FARS2: variants seen among roughly 807,000 people sequenced by gnomAD.
FARS2 encodes the protein phenylalanyl-tRNA synthetase 2, mitochondrial, also known as phenylalanine--tRNA ligase, mitochondrial.
A neutral mutation model predicts 46.4 loss-of-function variants in FARS2; 40 were observed. That is an observed-to-expected ratio of 0.86 (90% CI 0.67 to 1.12). The LOEUF (loss-of-function observed/expected upper bound fraction) is 1.12, where lower values mean the gene tolerates loss of function less well. Ranked by LOEUF, FARS2 falls within the 50% of genes most tolerant of loss-of-function variation. The pLI, the probability that FARS2 is intolerant of heterozygous loss-of-function variation, is 0.00. For synonymous variants in FARS2, 234 were observed against 214.9 expected (o/e 1.09, Z -0.78); for missense variants, 513 against 567.9 (o/e 0.90, Z 0.98).
chr6:5,411,789 G>T (rs1156825929), intron 3 of FARS2, among the ~76,000 whole-genome samples: 1 of 152,136 alleles, frequency 6.6e-6, no homozygotes, highest in Non-Finnish European at 1.5e-5. Context: ...GAATTAGAAA[G>T]AAATAAAATA....
intron 6 of FARS2, among the ~76,000 whole-genome samples, chr6:5,654,200 C>G (rs1777501431): frequency 6.6e-6 from 1 of 152,152 alleles, no homozygotes; most frequent in Non-Finnish European, 1.5e-5. Context: ...CCCATCCCAG[C>G]CGGGTCATAG....
chr6:5,458,952 T>C (rs1202558014), intron 4 of FARS2, among the ~76,000 whole-genome samples: 2 of 152,210 alleles, frequency 1.3e-5, no homozygotes, highest in Non-Finnish European at 2.9e-5. Flanking sequence ...GGTAGTAGTT[T>C]TTATTCTTTT....
Position 5,765,881 on chromosome 6 carries a change from A to G in FARS2, c.1218-5410A>G, listed in dbSNP as rs1762725120. Among the ~76,000 whole-genome samples the G allele has an allele frequency of 6.6e-6, 1 of 152,150 alleles. No homozygotes were observed. Among genetic ancestry groups the G allele is most frequent in the Non-Finnish European group, 1.5e-5 (1 of 68,032 alleles). ...ACTGAAACATGCTGTTTGTTGAATA[A>G]CTAAAGGAATCTATGAATAAACTGG... On this transcript the variant is annotated intron_variant, in intron 6 of 6. Coordinates refer to ENST00000274680, the MANE Select transcript of FARS2 (RefSeq NM_006567.5). The surrounding 1 kb of genome is among the most constrained non-coding windows in gnomAD (Gnocchi z 4.0).
chr6:5,269,804 A>G (rs894165414), intron 1 of FARS2, among the ~76,000 whole-genome samples: 2 of 152,260 alleles, frequency 1.3e-5, no homozygotes, highest in South Asian at 2.1e-4. Context: ...CGTTGATAGT[A>G]TACTGTAGAC....
At chr6:5,285,875 C>A (rs903714294) in intron 1 of FARS2, among the ~76,000 whole-genome samples, 1 of 152,226 alleles carries the variant, frequency 6.6e-6, no homozygotes, top group South Asian at 2.1e-4. Context: ...CACGGGGCTT[C>A]TTCTCTCCAG....
chr6:5,682,996 A>G (rs1035866646), intron 6 of FARS2, among the ~76,000 whole-genome samples: 5 of 152,230 alleles, frequency 3.3e-5, no homozygotes, highest in Non-Finnish European at 4.4e-5. Flanking sequence ...CGAGTTTGAC[A>G]TGGCTGTGGG....
At chr6:5,318,397 A>AAAAC (rs202227271) in intron 1 of FARS2, among the ~76,000 whole-genome samples, 26,280 of 145,096 alleles carry the variant, frequency 0.18, 3,143 homozygotes, top group East Asian at 0.28. Context: ...CAAAAAAAAA[A>AAAAC]AAAAAAAAAA....
At chr6:5,399,425 C>T (rs184440765) in intron 2 of FARS2, among the ~76,000 whole-genome samples, 1 of 152,180 alleles carries the variant, frequency 6.6e-6, no homozygotes, top group Non-Finnish European at 1.5e-5. Flanking sequence ...ATCCTCCTGC[C>T]TTGGCCTCCC....
intron 4 of FARS2, among the ~76,000 whole-genome samples, chr6:5,433,754 G>T (rs1263700448): frequency 1.3e-5 from 2 of 152,194 alleles, no homozygotes; most frequent in Non-Finnish European, 2.9e-5. Flanking sequence ...TTCCTCCCAG[G>T]AGTGCCTGGT....
intron 6 of FARS2, among the ~76,000 whole-genome samples, chr6:5,718,095 G>A (rs2150914946): frequency 6.6e-6 from 1 of 152,028 alleles, no homozygotes; most frequent in South Asian, 2.1e-4. Flanking sequence ...TGTATTTTTG[G>A]TAGAGATGAA....
intron 6 of FARS2, among the ~76,000 whole-genome samples, chr6:5,706,974 C>T (rs573541340): frequency 6.6e-5 from 10 of 152,330 alleles, no homozygotes; most frequent in South Asian, 2.1e-4. Flanking sequence ...CTTTCTCCAG[C>T]GCGCCTTGAT....
At chr6:5,369,821 A>G (rs1758930618) in intron 2 of FARS2, among the ~76,000 whole-genome samples, 1 of 151,260 alleles carries the variant, frequency 6.6e-6, no homozygotes, top group African/African-American at 2.4e-5. Flanking sequence ...ATGTTATCCT[A>G]ATATGTTGTG....
intron 4 of FARS2, among the ~76,000 whole-genome samples, chr6:5,523,321 G>A (rs1396592513): frequency 1.3e-5 from 2 of 152,192 alleles, no homozygotes; most frequent in East Asian, 3.8e-4. Flanking sequence ...GGGTCAGGTA[G>A]GGAGAAGAGA....
chr6:5,483,863 T>C lies in FARS2; in HGVS notation c.904+52691T>C, dbSNP rs867632104. Among the ~76,000 whole-genome samples, 3 of 152,068 alleles carry C rather than the reference T, an allele frequency of 2.0e-5. No homozygotes were observed. The South Asian group carries it at 6.2e-4, about 32-fold the overall frequency. ...ATAGAAGGTATAGCTGTACATGCAT[T>C]TCTAAGCCTGAAGTGGTTCATGGAG... On this transcript the variant is annotated intron_variant, in intron 4 of 6. Coordinates refer to ENST00000274680, the MANE Select transcript of FARS2 (RefSeq NM_006567.5).
intron 2 of FARS2, among the ~76,000 whole-genome samples, chr6:5,396,475 A>G (rs1380029114): frequency 6.6e-6 from 1 of 152,212 alleles, no homozygotes; most frequent in East Asian, 1.9e-4. Flanking sequence ...GTATAAAAGT[A>G]TGAGGATTTT....
In FARS2 at chr6:5,630,532, G is replaced by A. The variant is rs1344446637; in HGVS notation, c.1217+17212G>A. ...TCTCATGGAGCAAGCAAAACGTCCT[G>A]ACTCTGGAAACCAGACCTGCCTCTT... is the stretch of plus-strand genomic sequence containing the variant. On this transcript the variant is annotated intron_variant, in intron 6 of 6. Coordinates refer to ENST00000274680, the MANE Select transcript of FARS2 (RefSeq NM_006567.5). The surrounding 1 kb of genome is among the most constrained non-coding windows in gnomAD (Gnocchi z 4.2). Among the ~76,000 whole-genome samples, 1 of 152,216 alleles carries A rather than the reference G, an allele frequency of 6.6e-6. No individual in the cohort carries two copies. Among genetic ancestry groups the A allele is most frequent in the Non-Finnish European group, 1.5e-5 (1 of 68,040 alleles).
At chr6:5,254,355 C>T in the FARS2 span, among the ~76,000 whole-genome samples, 2 of 152,272 alleles carry the variant, frequency 1.3e-5, no homozygotes, top group African/African-American at 4.8e-5. Context: ...AAATGCTTTC[C>T]AAGAGTTTGT....
intron 5 of FARS2, among the ~76,000 whole-genome samples, chr6:5,594,118 A>G (rs2150612317): frequency 6.6e-6 from 1 of 151,564 alleles, no homozygotes; most frequent in South Asian, 2.1e-4. Context: ...GAGGGCATGT[A>G]GGCCTAGGAT....
At chr6:5,338,175 A>C (rs1311330396) in intron 1 of FARS2, among the ~76,000 whole-genome samples, 1 of 152,198 alleles carries the variant, frequency 6.6e-6, no homozygotes, top group Non-Finnish European at 1.5e-5. Flanking sequence ...TAATAGACCT[A>C]TAGATTATAT....
Sources: gnomAD v4.1 joint callset for allele counts (sites outside exome capture counted in the v4.1 genomes callset) on GRCh38, gnomAD v4.1.1 for gene constraint, Gnocchi (gnomAD v3.1) non-coding constraint, MANE v1.5 for transcripts, NCBI Gene and HGNC (gene_info 2026-07-23, HGNC 2026-07-21) for gene names.